COP1: variants seen among roughly 807,000 people sequenced by gnomAD.
COP1 encodes E3 ubiquitin-protein ligase COP1.
COP1 carries 24 observed loss-of-function variants against 101.3 expected under a neutral mutation model. That is an observed-to-expected ratio of 0.24 (90% CI 0.17 to 0.33). COP1 has a LOEUF of 0.33. COP1 is among the 10% of genes least tolerant of loss of function. COP1 has a pLI of 1.00. For missense variants in COP1, 663 were observed against 906.2 expected (o/e 0.73, Z 3.45); for synonymous variants, 347 against 341.9 (o/e 1.01, Z -0.17).
intron 11 of COP1, among the ~76,000 whole-genome samples, chr1:176,062,470 T>A (rs1002007206): frequency 2.6e-5 from 4 of 151,926 alleles, no homozygotes; most frequent in Non-Finnish European, 5.9e-5. Context: ...GCCTGATATT[T>A]AAAAAAAATA....
At chr1:176,170,814 A>C (rs778696526) in intron 3 of COP1, among the ~76,000 whole-genome samples, 1 of 152,096 alleles carries the variant, frequency 6.6e-6, no homozygotes, top group Non-Finnish European at 1.5e-5. Flanking sequence ...AAAGTCCTAG[A>C]TGGCATCTTC....
chr1:176,173,127 TA>T (rs1398404975), intron 3 of COP1, among the ~76,000 whole-genome samples: 1 of 151,792 alleles, frequency 6.6e-6, no homozygotes, highest in African/African-American at 2.4e-5. Context: ...CTGGCCAACA[TA>T]GTGAAACCCT....
In COP1 at chr1:176,148,942, T is replaced by C. The variant is rs889595927; in HGVS notation, c.831+64A>G. 8 of 1,082,376 alleles carry C rather than the reference T, an allele frequency of 7.4e-6. No individual in the cohort carries two copies. In the African/African-American group the frequency reaches 1.3e-4, roughly 18 times the overall value. 67.0% of individuals were successfully genotyped at this position (1,082,376 alleles called of 1,614,324 possible). A position where few individuals can be genotyped will look rare whatever the true frequency, so the allele number is the denominator to read the frequency against. The stretch of plus-strand genomic sequence containing the variant: ...GAAATTTTTTAGCCTGAAATGCTTT[T>C]ACAAAATGGGAACAGTTAACAATAG... On this transcript the variant is annotated intron_variant, in intron 6 of 19. Coordinates refer to ENST00000367669, the MANE Select transcript of COP1 (RefSeq NM_022457.7).
intron 8 of COP1, among the ~76,000 whole-genome samples, chr1:176,126,848 T>G (rs1688071424): frequency 6.6e-6 from 1 of 152,170 alleles, no homozygotes; most frequent in Non-Finnish European, 1.5e-5. Context: ...CCCAAGGATA[T>G]TTTATAGAAA....
chr1:176,134,931 GA>G, intron 8 of COP1, 78 bp downstream of exon 8: 10 of 1,045,360 alleles, frequency 9.6e-6, no homozygotes, highest in East Asian at 2.4e-5. Context: ...ACACTGCATG[GA>G]AAAGGCTCCT....
chr1:175,964,978 T>C (rs1187124209), intron 18 of COP1, among the ~76,000 whole-genome samples: 2 of 152,206 alleles, frequency 1.3e-5, no homozygotes, highest in African/African-American at 2.4e-5. Context: ...AAAGAGAGTG[T>C]TAATTTGCAC....
chr1:176,116,614 T>A lies in COP1; in HGVS notation c.1026+10A>T. ...ATGGTATCATTAAAGCAAACAAAGA[T>A]ATCGTTTACCTGAGAACTGCCACTG... is the stretch of plus-strand genomic sequence containing the variant. On this transcript the variant is annotated intron_variant, in intron 9 of 19. Transcript: ENST00000367669. The A allele has an allele frequency of 1.3e-6, 2 of 1,595,358 alleles. No homozygotes were observed. Among genetic ancestry groups the A allele is most frequent in the Non-Finnish European group, 1.7e-6 (2 of 1,164,162 alleles).
At chr1:176,111,024 T>C (rs10913138) in intron 9 of COP1, among the ~76,000 whole-genome samples, 149,819 of 152,120 alleles carry the variant, frequency 0.98, 73,828 homozygotes, top group East Asian at 1. Context: ...TGGTGGTGTG[T>C]ACCAGTAGCC....
At chr1:176,020,655 C>T (rs1322028822) in intron 15 of COP1, among the ~76,000 whole-genome samples, 1 of 152,182 alleles carries the variant, frequency 6.6e-6, no homozygotes, top group Non-Finnish European at 1.5e-5. Flanking sequence ...CCAGCCTAGG[C>T]ATCAGAGCAA....
At position 175,987,099 on chromosome 1, in the gene COP1, A is replaced by G; in HGVS notation, c.1977T>C (p.Ser659=). Residue 659 remains serine, a synonymous_variant, in exon 18 of 20, where the codon AGT becomes AGC. Transcript: ENST00000367669. The stretch of plus-strand genomic sequence containing the variant: ...AGTACAGGTAGAGAGAGTTATTTTC[A>G]CTTCCTGAAAACAAATAATAATAAT... The part of the protein sequence containing the change: ...ASNGDYIACG[S]ENNSLYLYYK... 1.4e-6 allele frequency: 2 copies of G among 1,449,578 alleles called. No individual in the cohort carries two copies. The highest frequency in any genetic ancestry group is 2.6e-5 in the South Asian group (2 of 78,400). The allele number at this position is 1,449,578 out of a possible 1,614,324, so 89.8% of individuals were successfully genotyped here. A position where few individuals can be genotyped will look rare whatever the true frequency, so the allele number is the denominator to read the frequency against.
At chr1:176,195,006 G>C (rs57395528) in intron 1 of COP1, among the ~76,000 whole-genome samples, 8,088 of 151,888 alleles carry the variant, frequency 0.053, 461 homozygotes, top group Middle Eastern at 0.14. Context: ...AGGACCACTT[G>C]AGCTTGGGAG....
intron 5 of COP1, 91 bp downstream of exon 5, chr1:176,162,778 A>AC: frequency 9.1e-7 from 1 of 1,095,750 alleles, no homozygotes; most frequent in Non-Finnish European, 1.3e-6. Flanking sequence ...GGATTAGTGA[A>AC]GCTATCCTAT....
chr1:176,069,863 T>C (rs955642551), intron 11 of COP1, among the ~76,000 whole-genome samples: 2 of 152,240 alleles, frequency 1.3e-5, no homozygotes, highest in Non-Finnish European at 2.9e-5. Context: ...CCTTTCCCCT[T>C]TGGATTGCAT....
chr1:176,004,882 G>A (rs1381431153), intron 15 of COP1, among the ~76,000 whole-genome samples: 1 of 151,708 alleles, frequency 6.6e-6, no homozygotes, highest in Non-Finnish European at 1.5e-5. Context: ...GAGTTAGGGA[G>A]GATTCCCTCT....
intron 10 of COP1, among the ~76,000 whole-genome samples, chr1:176,083,518 A>T (rs1419138981): frequency 6.6e-6 from 1 of 152,334 alleles, no homozygotes; most frequent in East Asian, 1.9e-4. Flanking sequence ...TATCATCAAC[A>T]TCCACACATA....
At chr1:176,088,996 CA>C (rs71129551) in intron 9 of COP1, among the ~76,000 whole-genome samples, 81 of 139,096 alleles carry the variant, frequency 5.8e-4, no homozygotes, top group African/African-American at 6.8e-4. Context: ...ACTCAGTCTC[CA>C]AAAAAAAAAA....
At chr1:176,094,393 T>C (rs1255487119) in intron 9 of COP1, among the ~76,000 whole-genome samples, 1 of 151,458 alleles carries the variant, frequency 6.6e-6, no homozygotes, top group Non-Finnish European at 1.5e-5. Context: ...ATATAAAAAA[T>C]AGAAATGTGC....
chr1:176,193,470 GTTCACGGGA>G (rs1699325466), intron 1 of COP1, among the ~76,000 whole-genome samples: 2 of 152,058 alleles, frequency 1.3e-5, no homozygotes, highest in Admixed American at 1.3e-4. Flanking sequence ...ATACACAAAT[GTTCACGGGA>G]ACATTATTCA....
At chr1:176,050,643 A>C (rs1672383920) in intron 11 of COP1, among the ~76,000 whole-genome samples, 1 of 152,224 alleles carries the variant, frequency 6.6e-6, no homozygotes, top group South Asian at 2.1e-4. Flanking sequence ...AAAAAAATAC[A>C]AACACAAGTA....
Sources: gnomAD v4.1 joint callset for allele counts (sites outside exome capture counted in the v4.1 genomes callset) on GRCh38, gnomAD v4.1.1 for gene constraint, MANE v1.5 for transcripts, NCBI Gene and HGNC (gene_info 2026-07-23, HGNC 2026-07-21) for gene names.